Variants in MPDZ observed in about 807,000 individuals in gnomAD.
The protein encoded by MPDZ is multiple PDZ domain crumbs cell polarity complex component, also known as multiple PDZ domain protein.
In MPDZ, 234 loss-of-function variants were observed where a neutral mutation model predicts 239.1. The observed-to-expected ratio is 0.98, with a 90% CI of 0.88 to 1.09. The LOEUF (loss-of-function observed/expected upper bound fraction) is 1.09. Ranked by LOEUF, MPDZ falls within the 50% of genes least tolerant of loss-of-function variation. MPDZ has a pLI of 0.00. For synonymous variants in MPDZ, 1,048 were observed against 881.3 expected, an observed-to-expected ratio of 1.19 and a Z score of -3.35; for missense variants, 3,175 against 2,510.0, an observed-to-expected ratio of 1.26 and a Z score of -5.66.
At chr9:13,189,778 T>C (rs1954638897) in intron 16 of MPDZ, among the ~76,000 whole-genome samples, 1 of 152,146 alleles carries the variant, frequency 6.6e-6, no homozygotes, top group Admixed American at 6.5e-5. Flanking sequence ...ACAAAAGAAA[T>C]ACCTACTTCT....
intron 35 of MPDZ, 137 bp downstream of exon 35, chr9:13,125,079 G>A: frequency 4.4e-6 from 3 of 675,928 alleles, no homozygotes; most frequent in Non-Finnish European, 4.8e-6. Flanking sequence ...TTTATATCCT[G>A]CCCTCACCAT....
chr9:13,146,984 T>C (rs1052287477), intron 26 of MPDZ, among the ~76,000 whole-genome samples: 6 of 151,930 alleles, frequency 3.9e-5, no homozygotes. Context: ...AGCTATACAG[T>C]GATGAAGAGC....
At chr9:13,174,188 T>C (rs2134109247) in intron 21 of MPDZ, among the ~76,000 whole-genome samples, 1 of 152,320 alleles carries the variant, frequency 6.6e-6, no homozygotes, top group East Asian at 1.9e-4. Context: ...AGAGTAGGGA[T>C]TAGTTATTCC....
intron 39 of MPDZ, among the ~76,000 whole-genome samples, chr9:13,117,637 C>A (rs551721061): frequency 6.6e-6 from 1 of 152,170 alleles, no homozygotes; most frequent in African/African-American, 2.4e-5. Context: ...AACCACATTG[C>A]TTCCAATTTT....
intron 5 of MPDZ, among the ~76,000 whole-genome samples, chr9:13,223,069 T>C (rs1309819198): frequency 6.6e-6 from 1 of 152,100 alleles, no homozygotes; most frequent in African/African-American, 2.4e-5. Flanking sequence ...TTAAAGATGA[T>C]TTAAAATATA....
intron 21 of MPDZ, among the ~76,000 whole-genome samples, chr9:13,172,546 C>T (rs1951922448): frequency 6.6e-6 from 1 of 152,032 alleles, no homozygotes; most frequent in African/African-American, 2.4e-5. Context: ...CCACCACGCT[C>T]AGCTAATTTT....
At chr9:13,110,575 C>G in intron 44 of MPDZ, 61 bp downstream of exon 44, 4 of 1,152,562 alleles carry the variant, frequency 3.5e-6, no homozygotes, top group Non-Finnish European at 5.2e-6. Context: ...GCTTTAACAT[C>G]AAAGCTCATG....
In MPDZ at chr9:13,150,576, G is replaced by T. The variant is rs758690522; in HGVS notation, c.3565C>A (p.His1189Asn). The change falls in exon 25 of 47, where the codon CAT (histidine) becomes AAT (asparagine). Residue 1189 changes from histidine to asparagine, a missense_variant. Physicochemically the swap from His to Asn is moderately conservative, Grantham distance 68. Transcript: ENST00000319217. ...CCAGCTGGACTATCTTCCAGAACAT[G>T]TTTGATGAAAATGCCCCTCATCACT... is the stretch of plus-strand genomic sequence containing the variant. ...GEVMRGIFIK[H>N]VLEDSPAGKN... 2 of 1,565,194 alleles carry T rather than the reference G, an allele frequency of 1.3e-6. No homozygotes were observed. Among genetic ancestry groups the T allele is most frequent in the South Asian group, 2.4e-5 (2 of 81,912 alleles).
At chr9:13,158,416 C>T (rs545616267) in intron 23 of MPDZ, among the ~76,000 whole-genome samples, 1 of 152,000 alleles carries the variant, frequency 6.6e-6, no homozygotes, top group Admixed American at 6.6e-5. Flanking sequence ...GGATAAATAC[C>T]AAGTTTGTAA....
At chr9:13,137,379 C>A (rs1946982070) in intron 29 of MPDZ, among the ~76,000 whole-genome samples, 1 of 152,148 alleles carries the variant, frequency 6.6e-6, no homozygotes, top group South Asian at 2.1e-4. Flanking sequence ...GGGAAACATA[C>A]TCAGCATGAG....
chr9:13,114,046 A>T, intron 40 of MPDZ, 25 bp from the exon 41 acceptor site: 2 of 1,552,026 alleles, frequency 1.3e-6, no homozygotes, highest in Non-Finnish European at 1.8e-6. Flanking sequence ...CAATTATTTC[A>T]GAAGGTTTTG....
chr9:13,123,067 T>C (rs1944596547), intron 36 of MPDZ, 86 bp downstream of exon 36: 7 of 1,389,536 alleles, frequency 5.0e-6, no homozygotes, highest in Non-Finnish European at 6.7e-6. Context: ...TTTCCTTTAC[T>C]AGAACTGATA....
Position 13,136,170 on chromosome 9 carries a change from T to C in MPDZ, c.4305A>G (p.Ala1435=), listed in dbSNP as rs765407313. The C allele has an allele frequency of 2.5e-6, 4 of 1,611,548 alleles. No homozygotes were observed. In the East Asian group the frequency reaches 6.7e-5, roughly 27 times the overall value. The change falls in exon 31 of 47, where the codon GCA becomes GCG. Residue 1435 remains alanine, a synonymous_variant. Transcript: ENST00000319217. ...CAGGACATACGGCCATCTGATTCACTGCATCTTTATTTCTAAAAGCAAAAA... is the reference window on the plus strand; with the variant it reads ...CAGGACATACGGCCATCTGATTCACCGCATCTTTATTTCTAAAAGCAAAAA... ...VKIIFIRNKD[A]VNQMAVCPGN... is the part of the protein sequence containing the mutation.
chr9:13,126,957 G>A (rs1044538807), intron 32 of MPDZ, among the ~76,000 whole-genome samples, 185 bp from the exon 33 acceptor site: 1 of 152,076 alleles, frequency 6.6e-6, no homozygotes, highest in Non-Finnish European at 1.5e-5. Context: ...TTTTCCTAAT[G>A]GGAATAAATT....
chr9:13,119,176 C>A (rs2131502837), intron 39 of MPDZ, among the ~76,000 whole-genome samples: 1 of 152,218 alleles, frequency 6.6e-6, no homozygotes, highest in African/African-American at 2.4e-5. Context: ...GGTGTGACCC[C>A]AGACTCATGC....
rs1959174356 is a variant in MPDZ at position 13,222,224 on chromosome 9, G to A, written c.747+9C>T. On this transcript the variant is annotated intron_variant, in intron 6 of 46. Coordinates refer to ENST00000319217, the MANE Select transcript of MPDZ (RefSeq NM_001378778.1). ...CGTTCTGTTCCTTTTGAAAATTTTA[G>A]GTACTCACCGGATTAGAGTGAGCTG... 1 of 1,597,946 alleles carries A rather than the reference G, an allele frequency of 6.3e-7. No individual in the cohort carries two copies. Among genetic ancestry groups the A allele is most frequent in the Non-Finnish European group, 8.5e-7 (1 of 1,172,244 alleles).
intron 10 of MPDZ, among the ~76,000 whole-genome samples, chr9:13,215,366 G>A (rs1587856619): frequency 6.6e-6 from 1 of 150,916 alleles, no homozygotes; most frequent in Admixed American, 6.6e-5. Context: ...ATATCAATAT[G>A]TGTGTATATA....
chr9:13,122,380 T>C (rs1024842301), intron 36 of MPDZ, among the ~76,000 whole-genome samples: 3 of 152,088 alleles, frequency 2.0e-5, no homozygotes, highest in Non-Finnish European at 2.9e-5. Context: ...TTCCTAATGA[T>C]AGAGAAGATT....
In MPDZ at chr9:13,114,011, C is replaced by A; in HGVS notation, c.5477G>T (p.Gly1826Val). 6.3e-7 allele frequency: 1 copy of A among 1,590,722 alleles called. No individual in the cohort carries two copies. ...TGGAAAAGTGAAAGATGACAGGCTG[C>A]CTTCACTCACCTACAAATATACAAC... ...RPSQSSQVSE[G>V]SLSSFTFPLS... Residue 1826 changes from glycine (G) to valine (V), a missense_variant, in exon 41 of 47, where the codon GGC becomes GTC. Gly to Val is a moderately radical substitution (Grantham distance 109, BLOSUM62 -3). Coordinates refer to ENST00000319217, the MANE Select transcript of MPDZ (RefSeq NM_001378778.1).
Sources: allele counts gnomAD v4.1 joint callset (sites outside exome capture counted in the v4.1 genomes callset), GRCh38; gene constraint gnomAD v4.1.1; transcripts MANE v1.5; gene names NCBI Gene and HGNC (gene_info 2026-07-23, HGNC 2026-07-21).